Variants in MYBPHL observed in about 807,000 individuals in gnomAD.
MYBPHL encodes the protein myosin-binding protein H-like.
In MYBPHL, 32 loss-of-function variants were observed where a neutral mutation model predicts 39.5. The observed-to-expected ratio is 0.81, with a 90% confidence interval of 0.61 to 1.09. The LOEUF (loss-of-function observed/expected upper bound fraction) is 1.09, where lower values mean the gene tolerates loss of function less well. Ranked by LOEUF, MYBPHL falls within the 50% of genes least tolerant of loss-of-function variation. The probability of loss-of-function intolerance (pLI) is 0.00; values close to 1 mark genes in which losing one functional copy is unlikely to be tolerated. For synonymous variants in MYBPHL, 196 were observed against 183.7 expected, an observed-to-expected ratio of 1.07 and a Z score of -0.54; for missense variants, 456 against 460.2, an observed-to-expected ratio of 0.99 and a Z score of 0.08.
At chr1:109,293,328 C>T (rs1198735683) in intron 8 of MYBPHL, among the ~76,000 whole-genome samples, 1 of 152,160 alleles carries the variant, frequency 6.6e-6, no homozygotes, top group Non-Finnish European at 1.5e-5. Flanking sequence ...CTTCAGAGGA[C>T]CATTCATTAG....
At chr1:109,295,712 C>A (rs1028584514) in intron 6 of MYBPHL, among the ~76,000 whole-genome samples, 2 of 152,156 alleles carry the variant, frequency 1.3e-5, no homozygotes, top group Non-Finnish European at 2.9e-5. Context: ...TCTTGATATG[C>A]CCCTTCTGAG....
intron 1 of MYBPHL, among the ~76,000 whole-genome samples, chr1:109,303,337 C>G (rs867219216): frequency 1.3e-5 from 2 of 152,132 alleles, no homozygotes; most frequent in African/African-American, 2.4e-5. Flanking sequence ...TTATTATACT[C>G]TCTCTCTTGC....
rs774777907 is a variant in MYBPHL, at chr1:109,296,291, G to A, written c.810C>T (p.Cys270=). The change falls in exon 6 of 9, where the codon TGC becomes TGT. Residue 270 remains cysteine (C), a synonymous_variant. Coordinates refer to ENST00000357155, the MANE Select transcript of MYBPHL (RefSeq NM_001010985.3). Reference sequence around the variant, plus strand: ...GGGTATTATAGCCGGTGACTGTAGTGCAGTCGGCCAGAGGCTGGGTAAACT... The same window carrying A: ...GGGTATTATAGCCGGTGACTGTAGTACAGTCGGCCAGAGGCTGGGTAAACT... ...APKFTQPLAD[C]TTVTGYNTQL... The A allele has an allele frequency of 1.9e-6, 3 of 1,614,150 alleles. No individual in the cohort carries two copies. Among genetic ancestry groups the A allele is most frequent in the Non-Finnish European group, 8.5e-7 (1 of 1,180,020 alleles).
chr1:109,295,568 C>T (rs1324194739), intron 6 of MYBPHL, among the ~76,000 whole-genome samples: 1 of 152,238 alleles, frequency 6.6e-6, no homozygotes, highest in Non-Finnish European at 1.5e-5. Flanking sequence ...TCCGGGCTCT[C>T]AGGCAGCCCC....
chr1:109,306,842 G>A lies in MYBPHL; in HGVS notation c.145+5C>T. 1 of 1,557,132 alleles carries A rather than the reference G, an allele frequency of 6.4e-7. No individual in the cohort carries two copies. Among genetic ancestry groups the A allele is most frequent in the Middle Eastern group, 1.8e-4 (1 of 5,604 alleles). ...TCCCCACCCTCCCCACCTGCCATGGGTCACCTTCTATAGGGGGCAGGAGCT... is the reference window on the plus strand; with the variant it reads ...TCCCCACCCTCCCCACCTGCCATGGATCACCTTCTATAGGGGGCAGGAGCT... On this transcript the variant is annotated splice_donor_5th_base_variant and intron_variant, in intron 1 of 8. Transcript: ENST00000357155.
chr1:109,306,963 G>A lies in MYBPHL; in HGVS notation c.29C>T (p.Ala10Val). ...TTTCACCTTCAGCTTGGATCCTGCG[G>A]CCACCTCCGGAGCTGTGGCTGCCTC... The part of the protein sequence containing the change: MEAATAPEV[A>V]AGSKLKVKEA... Residue 10 changes from alanine to valine, a missense_variant, in exon 1 of 9, where the codon GCC becomes GTC. Ala to Val is a moderately conservative substitution (Grantham distance 64). Coordinates refer to ENST00000357155, the MANE Select transcript of MYBPHL (RefSeq NM_001010985.3). 1 of 1,610,792 alleles carries A rather than the reference G, an allele frequency of 6.2e-7. No individual in the cohort carries two copies. The highest frequency in any genetic ancestry group is 8.5e-7 in the Non-Finnish European group (1 of 1,178,598).
intron 1 of MYBPHL, among the ~76,000 whole-genome samples, chr1:109,304,182 T>A (rs1658382201): frequency 6.7e-6 from 1 of 149,604 alleles, no homozygotes; most frequent in Non-Finnish European, 1.5e-5. Flanking sequence ...AGAATCTAAC[T>A]TCCATGAGGG....
At chr1:109,296,435 C>T in intron 5 of MYBPHL, 65 bp from the exon 6 acceptor site, 2 of 1,558,848 alleles carry the variant, frequency 1.3e-6, no homozygotes, top group Non-Finnish European at 1.7e-6. Flanking sequence ...ACTCTTTATC[C>T]TTAGTATTTT....
chr1:109,300,339 G>A (rs539514213), intron 1 of MYBPHL, among the ~76,000 whole-genome samples: 49 of 152,324 alleles, frequency 3.2e-4, no homozygotes, highest in African/African-American at 1.1e-3. Flanking sequence ...ACCCAGCAAT[G>A]AGCACCATAG....
At position 109,306,807 on chromosome 1, in the gene MYBPHL, C is replaced by T. The variant is rs373913294; in HGVS notation, c.145+40G>A. Reference sequence around the variant, plus strand: ...GTGGCGATGTCTTCCCCAACTCCCACCACCCGGCCTCCCCACCCTCCCCAC... The same window carrying T: ...GTGGCGATGTCTTCCCCAACTCCCATCACCCGGCCTCCCCACCCTCCCCAC... On this transcript the variant is annotated intron_variant, in intron 1 of 8. Coordinates refer to ENST00000357155, the MANE Select transcript of MYBPHL (RefSeq NM_001010985.3). 45 of 1,520,158 alleles carry T rather than the reference C, an allele frequency of 3.0e-5. No homozygotes were observed. The African/African-American group carries it at 5.5e-4, about 19-fold the overall frequency. The allele number at this position is 1,520,158 out of a possible 1,614,324, so 94.2% of individuals were successfully genotyped here.
chr1:109,296,867 C>T lies in MYBPHL; in HGVS notation c.646G>A (p.Ala216Thr). 6.2e-7 allele frequency: 1 copy of T among 1,614,172 alleles called. No homozygotes were observed. The highest frequency in any genetic ancestry group is 8.5e-7 in the Non-Finnish European group (1 of 1,180,034). Residue 216 changes from alanine to threonine, a missense_variant, in exon 5 of 9, where the codon GCC becomes ACC. Physicochemically the swap from Ala to Thr is moderately conservative, Grantham distance 58. Coordinates refer to ENST00000357155, the MANE Select transcript of MYBPHL (RefSeq NM_001010985.3). Reference protein sequence around the residue: ...VSDLIIGNSYAFRVFAENQCG... With the variant: ...VSDLIIGNSYTFRVFAENQCG... ...TGGTTTTCAGCAAAGACACGGAAGG[C>T]ATAGGAGTTGCCGATGATGAGGTCA...
In MYBPHL at chr1:109,297,180, C is replaced by T. The variant is rs1169091574; in HGVS notation, c.440G>A (p.Gly147Asp). The change falls in exon 4 of 9, where the codon GGC becomes GAC. Residue 147 changes from glycine (G) to aspartate (D), a missense_variant. Coordinates refer to ENST00000357155, the MANE Select transcript of MYBPHL (RefSeq NM_001010985.3). ...CACCAGCTTAATACTCTGAGGAGGG[C>T]CTGGCCTCTCTGAAAGGGCAAAGCC... ...TIDILVIERP[G>D]PPQSIKLVDV... The T allele has an allele frequency of 1.2e-6, 2 of 1,614,184 alleles. No homozygotes were observed. Among genetic ancestry groups the T allele is most frequent in the Non-Finnish European group, 1.7e-6 (2 of 1,180,038 alleles).
chr1:109,306,932 GGCTTCTTTCAC>G lies in MYBPHL; in HGVS notation c.49_59del (p.Val17GlnfsTer6). ...GGGGTGGTTCAGCATCCGCTGGGCTGGCTTCTTTCACCTTCAGCTTGGATCCTGCGGCCACC... is the reference window on the plus strand; with the variant it reads ...GGGGTGGTTCAGCATCCGCTGGGCTGCTTCAGCTTGGATCCTGCGGCCACC... On this transcript the variant is annotated frameshift_variant, in exon 1 of 9. Coordinates refer to ENST00000357155, the MANE Select transcript of MYBPHL (RefSeq NM_001010985.3). LOFTEE classifies it high-confidence loss of function. 1 of 1,610,282 alleles carries G rather than the reference GGCTTCTTTCAC, an allele frequency of 6.2e-7. No individual in the cohort carries two copies. Among genetic ancestry groups the G allele is most frequent in the South Asian group, 1.1e-5 (1 of 90,524 alleles).
intron 1 of MYBPHL, 38 bp from the exon 2 acceptor site, chr1:109,298,295 T>G: frequency 6.4e-7 from 1 of 1,571,146 alleles, no homozygotes. Flanking sequence ...AGATGGATAC[T>G]CAGAGAAAGT....
Position 109,306,881 on chromosome 1 carries a change from G to A in MYBPHL, c.111C>T (p.Gly37=), listed in dbSNP as rs761925053. Residue 37 remains glycine, a synonymous_variant, in exon 1 of 9, where the codon GGC becomes GGT. Coordinates refer to ENST00000357155, the MANE Select transcript of MYBPHL (RefSeq NM_001010985.3). ...GGGGCAGGAGCTGGGGAGTGGGGCT[G>A]CCAGCCCCCTGTCCAGGTGAAGCCT... The part of the protein sequence containing the change: ...PPQASPGQGA[G]SPTPQLLPPI... 1.2e-6 allele frequency: 2 copies of A among 1,600,878 alleles called. No homozygotes were observed. The highest frequency in any genetic ancestry group is 3.5e-5 in the Admixed American group (2 of 57,558).
intron 1 of MYBPHL, among the ~76,000 whole-genome samples, chr1:109,299,813 C>T (rs1658221139): frequency 6.6e-6 from 1 of 152,166 alleles, no homozygotes; most frequent in South Asian, 2.1e-4. Context: ...GGCTGAGTGA[C>T]CCTGCTGTGG....
At chr1:109,306,232 C>T (rs548013745) in intron 1 of MYBPHL, among the ~76,000 whole-genome samples, 95 of 152,274 alleles carry the variant, frequency 6.2e-4, no homozygotes, top group Non-Finnish European at 1.1e-3. Flanking sequence ...CACTTGGGAA[C>T]GCCTCTTTGC....
At chr1:109,298,577 T>C (rs1465909344) in intron 1 of MYBPHL, among the ~76,000 whole-genome samples, 2 of 152,144 alleles carry the variant, frequency 1.3e-5, no homozygotes, top group East Asian at 3.9e-4. Context: ...ATTTTTATTT[T>C]TCTGTTTGTG....
At chr1:109,302,144 ATGTG>A (rs1018443757) in intron 1 of MYBPHL, among the ~76,000 whole-genome samples, 8 of 151,666 alleles carry the variant, frequency 5.3e-5, no homozygotes, top group Non-Finnish European at 8.8e-5. Context: ...TGGTGTGTGT[ATGTG>A]TGTGTATGAG....
Sources: gnomAD v4.1 joint callset for allele counts (sites outside exome capture counted in the v4.1 genomes callset) on GRCh38, gnomAD v4.1.1 for gene constraint, MANE v1.5 for transcripts, NCBI Gene and HGNC (gene_info 2026-07-23, HGNC 2026-07-21) for gene names.